Variants in TCF12 observed in about 807,000 individuals in gnomAD.
TCF12 encodes transcription factor 12, also known as DNA-binding protein HTF4.
Under a neutral mutation model 86.0 loss-of-function variants are expected in TCF12, and 45 were observed. That is an observed-to-expected ratio of 0.52 (90% CI 0.41 to 0.67). The LOEUF is 0.67. TCF12 is among the 30% of genes least tolerant of loss of function. TCF12 has a pLI of 0.00. For synonymous variants in TCF12, 330 were observed against 299.6 expected (o/e 1.10, Z -1.05); for missense variants, 881 against 859.9 (o/e 1.02, Z -0.31).
chr15:56,954,996 T>A (rs1163825591), intron 3 of TCF12, among the ~76,000 whole-genome samples: 1 of 152,160 alleles, frequency 6.6e-6, no homozygotes, highest in Non-Finnish European at 1.5e-5. Flanking sequence ...AGTGTGGCGA[T>A]CCCTCAAGGA....
At chr15:56,930,573 G>A (rs1217623796) in intron 3 of TCF12, among the ~76,000 whole-genome samples, 1 of 152,166 alleles carries the variant, frequency 6.6e-6, no homozygotes, top group Non-Finnish European at 1.5e-5. Flanking sequence ...AGGGAAAAGT[G>A]TTTCATGTTG....
At chr15:57,170,519 T>G (rs1262502435) in intron 6 of TCF12, among the ~76,000 whole-genome samples, 1 of 147,156 alleles carries the variant, frequency 6.8e-6, no homozygotes, top group Non-Finnish European at 1.5e-5. Context: ...ATACATAATA[T>G]TAAATTTCTA....
chr15:57,267,257 T>C (rs2060913397), intron 18 of TCF12, among the ~76,000 whole-genome samples: 1 of 152,208 alleles, frequency 6.6e-6, no homozygotes, highest in Non-Finnish European at 1.5e-5. Flanking sequence ...AGGTGTCCTT[T>C]TGCTCTTTTG....
chr15:57,075,042 A>C (rs1200412711), intron 4 of TCF12, among the ~76,000 whole-genome samples: 2 of 142,974 alleles, frequency 1.4e-5, no homozygotes, highest in African/African-American at 5.3e-5. Context: ...CTTCTTATAA[A>C]ATGAAATAAT....
chr15:57,175,653 G>A (rs1425528208), intron 6 of TCF12, among the ~76,000 whole-genome samples: 4 of 152,154 alleles, frequency 2.6e-5, no homozygotes, highest in Admixed American at 2.6e-4. Context: ...TATTAGAAAT[G>A]TAATATTTAG....
At chr15:57,064,310 G>C (rs191530511) in intron 4 of TCF12, among the ~76,000 whole-genome samples, 82 of 152,188 alleles carry the variant, frequency 5.4e-4, no homozygotes, top group Non-Finnish European at 1.9e-4. Context: ...AGAGAAAATA[G>C]GACCAAGTCA....
chr15:57,100,030 A>G (rs1256716298), intron 5 of TCF12, among the ~76,000 whole-genome samples: 1 of 152,124 alleles, frequency 6.6e-6, no homozygotes, highest in Admixed American at 6.6e-5. Flanking sequence ...TTGGGTGTGC[A>G]TTGTCTATGA....
intron 8 of TCF12, among the ~76,000 whole-genome samples, chr15:57,202,040 G>A (rs1487248710): frequency 6.6e-6 from 1 of 152,184 alleles, no homozygotes; most frequent in Non-Finnish European, 1.5e-5. Context: ...AAGACTTCAT[G>A]TGTGAGGAAC....
rs914910369 is a variant in TCF12, at chr15:57,179,268, A to G, written c.390+12802A>G. Among the ~76,000 whole-genome samples the G allele has an allele frequency of 2.6e-5, 4 of 152,060 alleles. No individual in the cohort carries two copies. The East Asian group carries it at 5.8e-4, about 22-fold the overall frequency. ...TTGGGAGGCTGAGGCAGGCGGATCA[A>G]GAGGTCAGGAGTGCAAGACCAGCCT... On this transcript the variant is annotated intron_variant, in intron 6 of 20. Coordinates refer to ENST00000333725, the MANE Select transcript of TCF12 (RefSeq NM_207037.2).
intron 6 of TCF12, among the ~76,000 whole-genome samples, chr15:57,188,933 G>T (rs140807430): frequency 0.033 from 4,961 of 152,228 alleles, 125 homozygotes; most frequent in Non-Finnish European, 0.047. Context: ...AACTACAGGC[G>T]CACACCATCA....
intron 4 of TCF12, among the ~76,000 whole-genome samples, chr15:57,089,649 G>A (rs561968066): frequency 2.6e-5 from 4 of 151,804 alleles, no homozygotes; most frequent in African/African-American, 9.7e-5. Context: ...AAGAGAACTG[G>A]GAGGATACAA....
chr15:57,125,410 A>C (rs1449815066), intron 5 of TCF12, among the ~76,000 whole-genome samples: 1 of 152,248 alleles, frequency 6.6e-6, no homozygotes, highest in Non-Finnish European at 1.5e-5. Flanking sequence ...CACCCAGTTA[A>C]CTTAAGGCCA....
intron 5 of TCF12, among the ~76,000 whole-genome samples, chr15:57,107,291 A>G (rs1245994668): frequency 2.0e-5 from 3 of 152,212 alleles, no homozygotes; most frequent in African/African-American, 4.8e-5. Flanking sequence ...GCAGATTACT[A>G]TGTGTAAGTG....
chr15:57,148,266 C>G (rs2053506849), intron 5 of TCF12, among the ~76,000 whole-genome samples: 1 of 151,728 alleles, frequency 6.6e-6, no homozygotes, highest in African/African-American at 2.4e-5. Context: ...GTCAGAGAAC[C>G]CTTCTCTGAG....
chr15:56,996,671 A>G (rs1403072700), intron 3 of TCF12, among the ~76,000 whole-genome samples: 1 of 152,220 alleles, frequency 6.6e-6, no homozygotes, highest in Non-Finnish European at 1.5e-5. Context: ...CTGGACAGCA[A>G]GAGAAACTAT....
chr15:57,019,573 G>C (rs868797402), intron 3 of TCF12, among the ~76,000 whole-genome samples: 1 of 152,136 alleles, frequency 6.6e-6, no homozygotes, highest in Admixed American at 6.6e-5. Context: ...AATTATAGGG[G>C]TACGGAAAAA....
chr15:57,090,826 C>T (rs1235604238), intron 4 of TCF12, among the ~76,000 whole-genome samples: 1 of 152,022 alleles, frequency 6.6e-6, no homozygotes, highest in Non-Finnish European at 1.5e-5. Context: ...ATATATATGA[C>T]CTGCAGTTTT....
chr15:57,034,267 G>T (rs1014902641), intron 3 of TCF12, among the ~76,000 whole-genome samples: 2 of 152,068 alleles, frequency 1.3e-5, no homozygotes, highest in East Asian at 3.9e-4. Flanking sequence ...GTGAATGGAA[G>T]AATCTTTAGG....
rs1365945433 is a variant in TCF12 at position 57,152,382 on chromosome 15, A to T, written c.326-14020A>T. On this transcript the variant is annotated intron_variant, in intron 5 of 20. Transcript: ENST00000333725. ...TCGAGGCAAAACAGTTAACAAAACA[A>T]GGCTCAGAGGTGGCCCTGTTATTGG... 2.0e-5 allele frequency among the ~76,000 whole-genome samples: 3 copies of T among 152,354 alleles called. No homozygotes were observed. In the South Asian group the frequency reaches 6.2e-4, roughly 32 times the overall value.
Sources: gnomAD v4.1 joint callset for allele counts (sites outside exome capture counted in the v4.1 genomes callset) on GRCh38, gnomAD v4.1.1 for gene constraint, MANE v1.5 for transcripts, NCBI Gene and HGNC (gene_info 2026-07-23, HGNC 2026-07-21) for gene names.